LDLRAD4: variants seen among roughly 807,000 people sequenced by gnomAD.
The protein encoded by LDLRAD4 is low-density lipoprotein receptor class A domain-containing protein 4.
LDLRAD4 carries 5 observed loss-of-function variants against 17.0 expected under a neutral mutation model. That is an observed-to-expected ratio of 0.29 (90% CI 0.15 to 0.62). The LOEUF is 0.62. LDLRAD4 is among the 20% of genes least tolerant of loss of function. The pLI is 0.84. For missense variants in LDLRAD4, 340 were observed against 424.7 expected, an observed-to-expected ratio of 0.80 and a Z score of 1.75; for synonymous variants, 168 against 171.8, an observed-to-expected ratio of 0.98 and a Z score of 0.17.
At chr18:13,572,497 G>T (rs1233237421) in intron 3 of LDLRAD4, among the ~76,000 whole-genome samples, 2 of 152,216 alleles carry the variant, frequency 1.3e-5, no homozygotes, top group African/African-American at 4.8e-5. Flanking sequence ...GTTTGCCTTA[G>T]AAGATTTAGG....
At chr18:13,540,079 A>G (rs1259383942) in intron 3 of LDLRAD4, among the ~76,000 whole-genome samples, 1 of 152,226 alleles carries the variant, frequency 6.6e-6, no homozygotes, top group Non-Finnish European at 1.5e-5. Flanking sequence ...GGAAATGAGG[A>G]AAGTCCACAG....
chr18:13,467,226 A>G (rs1430485653), intron 3 of LDLRAD4, among the ~76,000 whole-genome samples: 2 of 152,250 alleles, frequency 1.3e-5, no homozygotes, highest in Non-Finnish European at 2.9e-5. Flanking sequence ...CAAAAATGAC[A>G]TGATCTTATG....
chr18:13,373,297 C>G (rs751416081), intron 1 of LDLRAD4, among the ~76,000 whole-genome samples: 2 of 152,108 alleles, frequency 1.3e-5, no homozygotes, highest in African/African-American at 2.4e-5. Flanking sequence ...AACACCAACT[C>G]ATGGCCTTTT....
chr18:13,234,872 C>T (rs1374455121), intron 1 of LDLRAD4: 1 of 152,184 alleles, frequency 6.6e-6, no homozygotes, highest in African/African-American at 2.4e-5. Flanking sequence ...ATTCTCTCCT[C>T]CCAAATTTAA....
intron 2 of LDLRAD4, among the ~76,000 whole-genome samples, chr18:13,394,663 T>G (rs7241824): frequency 0.26 from 39,618 of 152,184 alleles, 5,897 homozygotes; most frequent in East Asian, 0.5. Context: ...TGCTGGGTGT[T>G]AGGGCTGATA....
chr18:13,616,771 C>T (rs1211269116), intron 3 of LDLRAD4, among the ~76,000 whole-genome samples: 1 of 152,206 alleles, frequency 6.6e-6, no homozygotes, highest in Non-Finnish European at 1.5e-5. Context: ...ATGGCTCAGG[C>T]CTCATCAGGC....
At chr18:13,408,853 T>C (rs2088044776) in intron 2 of LDLRAD4, among the ~76,000 whole-genome samples, 1 of 152,210 alleles carries the variant, frequency 6.6e-6, no homozygotes, top group Non-Finnish European at 1.5e-5. Context: ...TTTCTCGTCT[T>C]TTTCTTCCTT....
intron 3 of LDLRAD4, among the ~76,000 whole-genome samples, chr18:13,469,086 AT>A (rs2092702039): frequency 6.6e-6 from 1 of 152,184 alleles, no homozygotes; most frequent in African/African-American, 2.4e-5. Flanking sequence ...TTAAATAGAC[AT>A]TTATCCAAAG....
chr18:13,585,339 T>A (rs2094919659), intron 3 of LDLRAD4: 1 of 152,152 alleles, frequency 6.6e-6, no homozygotes, highest in Non-Finnish European at 1.5e-5. Context: ...TAAATAACAG[T>A]GCCTTCTGGG....
intron 1 of LDLRAD4, among the ~76,000 whole-genome samples, chr18:13,357,924 C>T (rs1013294400): frequency 5.3e-5 from 8 of 152,102 alleles, no homozygotes; most frequent in Admixed American, 2.6e-4. Context: ...GTTGATGTTT[C>T]GATCCATCAC....
At chr18:13,355,869 G>C (rs910835311) in intron 1 of LDLRAD4, among the ~76,000 whole-genome samples, 2 of 152,184 alleles carry the variant, frequency 1.3e-5, no homozygotes, top group Non-Finnish European at 2.9e-5. Flanking sequence ...GGCCTCAAGT[G>C]ATCCTCCCAC....
chr18:13,547,444 G>A (rs938187738), intron 3 of LDLRAD4, among the ~76,000 whole-genome samples: 6 of 152,194 alleles, frequency 3.9e-5, no homozygotes, highest in Non-Finnish European at 8.8e-5. Context: ...TGTAGCCGGT[G>A]GCACCTTTGA....
chr18:13,496,300 T>C (rs1432639989), intron 3 of LDLRAD4, among the ~76,000 whole-genome samples: 1 of 152,184 alleles, frequency 6.6e-6, no homozygotes, highest in Non-Finnish European at 1.5e-5. Context: ...GTGGCGGCCT[T>C]ACTTGCCCAG....
intron 1 of LDLRAD4, among the ~76,000 whole-genome samples, chr18:13,386,946 AGATGGATGGATGGATAGATAAGAT>A (rs1458507111): frequency 1.0e-5 from 1 of 98,384 alleles, no homozygotes; most frequent in Middle Eastern, 4.5e-3. Context: ...ATAGATAGAT[AGATGGATGGATGGATAGATAAGAT>A]AGATAGATAG....
intron 3 of LDLRAD4, among the ~76,000 whole-genome samples, chr18:13,499,691 C>T (rs1042399667): frequency 2.5e-4 from 35 of 142,498 alleles, no homozygotes; most frequent in African/African-American, 7.6e-4. Context: ...CCATGGACAC[C>T]GGAGAATCCA....
chr18:13,617,136 CTA>C (rs1302433181), intron 3 of LDLRAD4, among the ~76,000 whole-genome samples: 1 of 151,252 alleles, frequency 6.6e-6, no homozygotes, highest in Non-Finnish European at 1.5e-5. Flanking sequence ...CAGGGTCTCG[CTA>C]TATTGCCCAG....
At chr18:13,237,686 C>T (rs1296053338) in intron 1 of LDLRAD4, among the ~76,000 whole-genome samples, 2 of 152,234 alleles carry the variant, frequency 1.3e-5, no homozygotes, top group East Asian at 3.8e-4. Flanking sequence ...GACAGCCCTG[C>T]ACCAGTCACT....
At chr18:13,226,881 C>T (rs2041838827) in intron 1 of LDLRAD4, among the ~76,000 whole-genome samples, 1 of 152,196 alleles carries the variant, frequency 6.6e-6, no homozygotes, top group South Asian at 2.1e-4. Context: ...TCCTCATCCT[C>T]CCTCTTTAGG....
intron 1 of LDLRAD4, among the ~76,000 whole-genome samples, chr18:13,271,982 G>A (rs550625880): frequency 7.4e-6 from 1 of 135,996 alleles, no homozygotes; most frequent in South Asian, 2.5e-4. Flanking sequence ...TTCAACCTCC[G>A]CCTCCCAAGT....
Sources: gnomAD v4.1 joint callset for allele counts (sites outside exome capture counted in the v4.1 genomes callset) on GRCh38, gnomAD v4.1.1 for gene constraint, MANE v1.5 for transcripts, NCBI Gene and HGNC (gene_info 2026-07-23, HGNC 2026-07-21) for gene names.